ITPR2: variants seen among roughly 807,000 people sequenced by gnomAD.
ITPR2 encodes inositol 1,4,5-trisphosphate receptor type 2, also known as inositol 1,4,5-trisphosphate-gated calcium channel ITPR2.
A neutral mutation model predicts 317.1 loss-of-function variants in ITPR2; 207 were observed. The ratio of observed to expected loss-of-function variants is 0.65; its 90% CI spans 0.58 to 0.73. ITPR2 has a LOEUF of 0.73. Ranked by LOEUF, ITPR2 falls within the 30% of genes least tolerant of loss-of-function variation. ITPR2 has a pLI of 0.00. For missense variants in ITPR2, 2,613 were observed against 3,284.0 expected, an observed-to-expected ratio of 0.80 and a Z score of 4.99; for synonymous variants, 1,156 against 1,149.1, an observed-to-expected ratio of 1.01 and a Z score of -0.12.
intron 34 of ITPR2, 55 bp from the exon 35 acceptor site, chr12:26,562,007 A>T: frequency 8.3e-7 from 1 of 1,199,966 alleles, no homozygotes. Context: ...AGTTTCTTAC[A>T]TATTATCCAT....
chr12:26,741,722 T>C (rs979109490), intron 2 of ITPR2, among the ~76,000 whole-genome samples: 2 of 152,208 alleles, frequency 1.3e-5, no homozygotes, highest in Non-Finnish European at 2.9e-5. Context: ...TTCATTTCTC[T>C]ATGGGAGGAC....
At chr12:26,819,221 G>C (rs1279738678) in intron 1 of ITPR2, among the ~76,000 whole-genome samples, 2 of 152,100 alleles carry the variant, frequency 1.3e-5, no homozygotes, top group African/African-American at 4.8e-5. Flanking sequence ...GTCCTCATTT[G>C]TAACACTGTT....
chr12:26,400,336 A>G (rs1237682669), intron 52 of ITPR2, 78 bp from the exon 53 acceptor site: 10 of 794,946 alleles, frequency 1.3e-5, no homozygotes, highest in Non-Finnish European at 8.8e-6. Context: ...AATGAAATAT[A>G]CATACAATAA....
intron 32 of ITPR2, among the ~76,000 whole-genome samples, chr12:26,589,052 C>A (rs1388741608): frequency 6.6e-6 from 1 of 152,202 alleles, no homozygotes; most frequent in Non-Finnish European, 1.5e-5. Flanking sequence ...AAAAGCTTTT[C>A]TGCCCTACAA....
chr12:26,627,726 A>G (rs1271975665), intron 23 of ITPR2, among the ~76,000 whole-genome samples: 1 of 152,116 alleles, frequency 6.6e-6, no homozygotes, highest in East Asian at 1.9e-4. Flanking sequence ...CAACAATAAG[A>G]ACACATGGAC....
At chr12:26,542,483 T>C (rs1944289617) in intron 37 of ITPR2, among the ~76,000 whole-genome samples, 1 of 152,066 alleles carries the variant, frequency 6.6e-6, no homozygotes, top group Non-Finnish European at 1.5e-5. Flanking sequence ...TCCTAACCAG[T>C]AAAAGGGAGA....
chr12:26,561,085 T>G (rs947504805), intron 35 of ITPR2, among the ~76,000 whole-genome samples: 2 of 152,192 alleles, frequency 1.3e-5, no homozygotes, highest in African/African-American at 2.4e-5. Context: ...GAGCGGGCCC[T>G]AATCCAACAT....
At chr12:26,380,850 T>C (rs1456058068) in intron 55 of ITPR2, among the ~76,000 whole-genome samples, 1 of 152,190 alleles carries the variant, frequency 6.6e-6, no homozygotes, top group Admixed American at 6.5e-5. Context: ...ATTTCCAGAC[T>C]CAGAAAACAA....
At chr12:26,468,183 T>A (rs1474963981) in intron 45 of ITPR2, among the ~76,000 whole-genome samples, 1 of 151,942 alleles carries the variant, frequency 6.6e-6, no homozygotes, top group East Asian at 1.9e-4. Context: ...TCAGTTTGGA[T>A]CTTAAGGGTA....
At chr12:26,797,513 A>G (rs1950470036) in intron 1 of ITPR2, among the ~76,000 whole-genome samples, 1 of 152,198 alleles carries the variant, frequency 6.6e-6, no homozygotes, top group Admixed American at 6.5e-5. Flanking sequence ...TGATTCATTT[A>G]CCACTAAGTG....
chr12:26,598,613 C>T (rs932385580), intron 30 of ITPR2, among the ~76,000 whole-genome samples: 1 of 152,102 alleles, frequency 6.6e-6, no homozygotes, highest in Admixed American at 6.5e-5. Flanking sequence ...AATGAAGTAC[C>T]TTCATCTATT....
At chr12:26,621,759 A>G (rs549013665) in intron 25 of ITPR2, among the ~76,000 whole-genome samples, 5 of 152,344 alleles carry the variant, frequency 3.3e-5, no homozygotes, top group African/African-American at 1.2e-4. Context: ...ATAGTGAAAC[A>G]TATGTAAGCA....
At chr12:26,708,700 G>A (rs1948598016) in intron 9 of ITPR2, among the ~76,000 whole-genome samples, 1 of 152,124 alleles carries the variant, frequency 6.6e-6, no homozygotes, top group African/African-American at 2.4e-5. Context: ...TAGCCCAACA[G>A]GGTAATACAC....
chr12:26,750,639 G>A (rs1455983222), intron 2 of ITPR2, among the ~76,000 whole-genome samples: 1 of 152,138 alleles, frequency 6.6e-6, no homozygotes, highest in Non-Finnish European at 1.5e-5. Flanking sequence ...GGCAAAATGG[G>A]TCATATGGCT....
rs374051689 is a variant in ITPR2 at position 26,677,492 on chromosome 12, C to T, written c.1409+4382G>A. On this transcript the variant is annotated intron_variant, in intron 13 of 56. Coordinates refer to ENST00000381340, the MANE Select transcript of ITPR2 (RefSeq NM_002223.4). ...GCACGTGCCTGTGTTCCCAGCTACTCGGGAGTCTGAGGTGGGAGGATCACC... is the reference window on the plus strand; with the variant it reads ...GCACGTGCCTGTGTTCCCAGCTACTTGGGAGTCTGAGGTGGGAGGATCACC... 2.9e-4 allele frequency among the ~76,000 whole-genome samples: 44 copies of T among 151,878 alleles called. No individual in the cohort carries two copies. In the East Asian group the frequency reaches 6.2e-3, roughly 21 times the overall value.
At chr12:26,797,592 A>G in intron 1 of ITPR2, among the ~76,000 whole-genome samples, 1 of 151,982 alleles carries the variant, frequency 6.6e-6, no homozygotes, top group African/African-American at 2.4e-5. Flanking sequence ...GAAAGAGAGA[A>G]GGTGGGGCAT....
At chr12:26,584,553 C>T (rs1945475798) in intron 32 of ITPR2, among the ~76,000 whole-genome samples, 1 of 152,152 alleles carries the variant, frequency 6.6e-6, no homozygotes. Flanking sequence ...GGATGATCGT[C>T]TATGGTAAAT....
intron 55 of ITPR2, among the ~76,000 whole-genome samples, chr12:26,345,041 T>A (rs1938260230): frequency 6.6e-6 from 1 of 152,226 alleles, no homozygotes; most frequent in Non-Finnish European, 1.5e-5. Context: ...TTCCCTTGTG[T>A]ATCTGCTGGT....
intron 2 of ITPR2, among the ~76,000 whole-genome samples, chr12:26,754,851 G>A (rs1284774896): frequency 6.6e-6 from 1 of 152,150 alleles, no homozygotes; most frequent in African/African-American, 2.4e-5. Context: ...AAATTGTACA[G>A]GGTTATAAAA....
Sources: allele counts gnomAD v4.1 joint callset (sites outside exome capture counted in the v4.1 genomes callset), GRCh38; gene constraint gnomAD v4.1.1; transcripts MANE v1.5; gene names NCBI Gene and HGNC (gene_info 2026-07-23, HGNC 2026-07-21).